Variants in TSPAN14 observed in about 807,000 individuals in gnomAD.
TSPAN14 encodes tetraspanin-14.
A neutral mutation model predicts 36.6 loss-of-function variants in TSPAN14; 16 were observed. The observed-to-expected ratio is 0.44, with a 90% CI of 0.30 to 0.66. The LOEUF (loss-of-function observed/expected upper bound fraction) is 0.66. Among genes scored for constraint, TSPAN14 ranks in the 30% least tolerant of loss-of-function variants. The pLI, the probability that TSPAN14 is intolerant of heterozygous loss-of-function variation, is 0.12. For missense variants in TSPAN14, 231 were observed against 355.1 expected (o/e 0.65, Z 2.81); for synonymous variants, 139 against 143.8 (o/e 0.97, Z 0.24).
intron 1 of TSPAN14, among the ~76,000 whole-genome samples, chr10:80,468,386 C>A (rs1288845898): frequency 6.6e-6 from 1 of 152,224 alleles, no homozygotes; most frequent in African/African-American, 2.4e-5. Flanking sequence ...TAAAAATAAT[C>A]TGTGAGGATC....
At chr10:80,459,783 G>A (rs138711370) in intron 1 of TSPAN14, among the ~76,000 whole-genome samples, 1,675 of 152,290 alleles carry the variant, frequency 0.011, 29 homozygotes, top group African/African-American at 0.038. Flanking sequence ...CGAATCTCTT[G>A]TTTGTACCCC....
chr10:80,501,702 T>G (rs950184873), intron 2 of TSPAN14, among the ~76,000 whole-genome samples: 6 of 152,194 alleles, frequency 3.9e-5, no homozygotes, highest in Non-Finnish European at 8.8e-5. Context: ...CAAATGCCCC[T>G]GTATAGAGCT....
chr10:80,472,634 T>C (rs1463251914), intron 1 of TSPAN14, among the ~76,000 whole-genome samples: 1 of 152,222 alleles, frequency 6.6e-6, no homozygotes, highest in Non-Finnish European at 1.5e-5. Flanking sequence ...AATTCCATAA[T>C]TCCTTCTACA....
intron 1 of TSPAN14, among the ~76,000 whole-genome samples, chr10:80,463,559 A>G (rs1033994169): frequency 1.3e-5 from 2 of 152,210 alleles, no homozygotes; most frequent in Admixed American, 6.5e-5. Flanking sequence ...ATTTTAGCAC[A>G]CATAGTTTAG....
At chr10:80,492,581 C>T (rs1425120752) in intron 2 of TSPAN14, among the ~76,000 whole-genome samples, 1 of 152,132 alleles carries the variant, frequency 6.6e-6, no homozygotes, top group African/African-American at 2.4e-5. Context: ...CTTTGGGAGG[C>T]CGAGGCAGGC....
chr10:80,486,236 A>G (rs924169197), intron 1 of TSPAN14, among the ~76,000 whole-genome samples: 6 of 152,200 alleles, frequency 3.9e-5, no homozygotes, highest in Non-Finnish European at 7.3e-5. Flanking sequence ...CCCTGTGGAG[A>G]ATCCTTGCTC....
At chr10:80,472,144 G>A (rs1253724989) in intron 1 of TSPAN14, among the ~76,000 whole-genome samples, 6 of 152,098 alleles carry the variant, frequency 3.9e-5, no homozygotes, top group Admixed American at 2.6e-4. Context: ...TCTCAAAAAC[G>A]TAAAAGTGAA....
chr10:80,480,459 T>C (rs1473892186), intron 1 of TSPAN14, among the ~76,000 whole-genome samples: 1 of 152,234 alleles, frequency 6.6e-6, no homozygotes, highest in Non-Finnish European at 1.5e-5. Context: ...TAAATCATGC[T>C]GCTATAAAGA....
intron 1 of TSPAN14, among the ~76,000 whole-genome samples, chr10:80,476,410 T>G (rs1846894975): frequency 1.9e-4 from 2 of 10,372 alleles, no homozygotes; most frequent in African/African-American, 2.0e-3. Context: ...TGTTTTACTG[T>G]TTTTTTTTTT....
intron 3 of TSPAN14, among the ~76,000 whole-genome samples, chr10:80,506,224 C>T (rs762882964): frequency 3.3e-5 from 5 of 152,232 alleles, no homozygotes; most frequent in African/African-American, 7.2e-5. Flanking sequence ...CTGCCCTCCT[C>T]GGCCTCCCAA....
At chr10:80,479,389 A>C (rs1367728623) in intron 1 of TSPAN14, among the ~76,000 whole-genome samples, 1 of 151,824 alleles carries the variant, frequency 6.6e-6, no homozygotes, top group African/African-American at 2.4e-5. Context: ...CTGAATGGTA[A>C]TGCCTAGGTT....
exon 8 of TSPAN14, chr10:80,516,236 G>C (rs772261181): frequency 3.7e-6 from 6 of 1,614,238 alleles, no homozygotes; most frequent in Non-Finnish European, 5.1e-6. Context: ...CCATCTTCAC[G>C]AAAGGCTGCA....
intron 4 of TSPAN14, among the ~76,000 whole-genome samples, chr10:80,508,182 C>G (rs1220436797): frequency 6.7e-6 from 1 of 149,390 alleles, no homozygotes; most frequent in African/African-American, 2.5e-5. Flanking sequence ...GTGGCGTGAT[C>G]TCGGCTAACT....
chr10:80,468,566 A>G (rs1329624425), intron 1 of TSPAN14: 2 of 152,122 alleles, frequency 1.3e-5, no homozygotes, highest in Non-Finnish European at 2.9e-5. Context: ...CTTACTATTC[A>G]AAGTGCCATC....
chr10:80,517,757 C>T (rs965719311), intron 8 of TSPAN14, 148 bp from the exon 9 acceptor site: 11 of 742,882 alleles, frequency 1.5e-5, no homozygotes, highest in South Asian at 5.1e-5. Flanking sequence ...CTGTGCCACT[C>T]GCTCTGCGGT....
intron 7 of TSPAN14, 149 bp downstream of exon 7, chr10:80,514,212 G>T: frequency 1.4e-6 from 1 of 705,968 alleles, no homozygotes; most frequent in Non-Finnish European, 2.5e-6. Flanking sequence ...ATAGGCACAG[G>T]GTCACATACA....
At chr10:80,507,403 T>A in intron 4 of TSPAN14, 29 bp downstream of exon 4, 1 of 1,613,910 alleles carries the variant, frequency 6.2e-7, no homozygotes, top group East Asian at 2.2e-5. Flanking sequence ...AAGAGTGGGA[T>A]AGGATGCAAT....
chr10:80,498,802 C>G (rs1848340815), intron 2 of TSPAN14, among the ~76,000 whole-genome samples: 1 of 152,168 alleles, frequency 6.6e-6, no homozygotes, highest in African/African-American at 2.4e-5. Context: ...TTCCTGTGAC[C>G]TAGGAAAGAT....
chr10:80,475,989 T>A (rs984881741), intron 1 of TSPAN14, among the ~76,000 whole-genome samples: 6 of 152,236 alleles, frequency 3.9e-5, no homozygotes, highest in Non-Finnish European at 7.3e-5. Flanking sequence ...AAGTCCCTAA[T>A]ATAAAATGGT....
Sources: gnomAD v4.1 joint callset for allele counts (sites outside exome capture counted in the v4.1 genomes callset) on GRCh38, gnomAD v4.1.1 for gene constraint, MANE v1.5 for transcripts, NCBI Gene and HGNC (gene_info 2026-07-23, HGNC 2026-07-21) for gene names.